OGFOD1: variants seen among roughly 807,000 people sequenced by gnomAD.
OGFOD1 encodes prolyl 3-hydroxylase OGFOD1.
A neutral mutation model predicts 67.7 loss-of-function variants in OGFOD1; 54 were observed. That is an observed-to-expected ratio of 0.80 (90% CI 0.64 to 1.00). OGFOD1 has a LOEUF of 1.00. Among genes scored for constraint, OGFOD1 ranks in the 50% least tolerant of loss-of-function variants. The pLI is 0.00. For missense variants in OGFOD1, 606 were observed against 646.7 expected (o/e 0.94, Z 0.68); for synonymous variants, 221 against 227.0 (o/e 0.97, Z 0.24).
intron 3 of OGFOD1, among the ~76,000 whole-genome samples, chr16:56,462,117 AAAG>A (rs1457033234): frequency 2.0e-5 from 3 of 151,996 alleles, no homozygotes; most frequent in Non-Finnish European, 4.4e-5. Flanking sequence ...AAAGAAAAGA[AAAG>A]AAAAACAGTT....
chr16:56,463,884 A>C (rs559820627), intron 4 of OGFOD1, among the ~76,000 whole-genome samples: 6 of 152,300 alleles, frequency 3.9e-5, no homozygotes, highest in Admixed American at 3.3e-4. Flanking sequence ...ATTCTCCTAC[A>C]TGATAATCAT....
In OGFOD1 at chr16:56,458,731, C is replaced by A; in HGVS notation, c.347+137C>A. The stretch of plus-strand genomic sequence containing the variant: ...CCACTTTGTAGAGGAGGAAAGAGAC[C>A]GAGAAATTGAGTTTGCATAGCTTAA... On this transcript the variant is annotated intron_variant, in intron 3 of 12. Transcript: ENST00000566157. 4.2e-6 allele frequency: 3 copies of A among 706,870 alleles called. No individual in the cohort carries two copies. In the South Asian group the frequency reaches 5.4e-5, roughly 13 times the overall value. 43.8% of individuals were successfully genotyped at this position (706,870 alleles called of 1,614,324 possible). A position where few individuals can be genotyped will look rare whatever the true frequency, so the allele number is the denominator to read the frequency against.
rs1962883687 is a variant in OGFOD1, at chr16:56,465,998, AGAG to A, written c.449-150_449-148del. 6 of 577,550 alleles carry A rather than the reference AGAG, an allele frequency of 1.0e-5. No homozygotes were observed. In the South Asian group the frequency reaches 1.1e-4, roughly 10 times the overall value. The allele number at this position is 577,550 out of a possible 1,614,324, so 35.8% of individuals were successfully genotyped here. On this transcript the variant is annotated intron_variant, in intron 4 of 12. Coordinates refer to ENST00000566157, the MANE Select transcript of OGFOD1 (RefSeq NM_018233.4). Reference sequence around the variant, plus strand: ...ATTGACTTATTTGTTTACTTATAAAAGAGGAGAAATAAGTGTCATTTTAAAGCT... The same window carrying A: ...ATTGACTTATTTGTTTACTTATAAAAGAGAAATAAGTGTCATTTTAAAGCT...
At chr16:56,458,616 T>C in intron 3 of OGFOD1, 22 bp downstream of exon 3, 4 of 1,596,628 alleles carry the variant, frequency 2.5e-6, no homozygotes, top group Non-Finnish European at 2.6e-6. Context: ...ATCATATTTG[T>C]TGGGTGCTAA....
intron 8 of OGFOD1, among the ~76,000 whole-genome samples, chr16:56,468,296 A>AACTACACACACAAAG (rs749830348): frequency 1.6e-4 from 25 of 152,360 alleles, no homozygotes; most frequent in Non-Finnish European, 3.1e-4. Flanking sequence ...AGTTGTGTGT[A>AACTACACACACAAAG]GTTACCTTTC....
At position 56,476,080 on chromosome 16, in the gene OGFOD1, T is replaced by C. The variant is rs771153787; in HGVS notation, c.1504T>C (p.Leu502=). ...GAATCCAGAAAGCAATTCTTTGGCA[T>C]TGGTCTACAGAGACAGAGAGACTCT... is the stretch of plus-strand genomic sequence containing the variant. The part of the protein sequence containing the change: ...TVNPESNSLA[L]VYRDRETLKF... The change falls in exon 13 of 13, where the codon TTG becomes CTG. Residue 502 remains leucine (L), a synonymous_variant. Transcript: ENST00000566157. 66 of 1,613,174 alleles carry C rather than the reference T, an allele frequency of 4.1e-5. No homozygotes were observed. The South Asian group carries it at 6.9e-4, about 17-fold the overall frequency.
At chr16:56,453,475 A>G (rs1962411426) in intron 2 of OGFOD1, 67 bp downstream of exon 2, 1 of 1,503,760 alleles carries the variant, frequency 6.6e-7, no homozygotes, top group Non-Finnish European at 9.0e-7. Flanking sequence ...GTCATTGAAT[A>G]CCTTTAGACT....
intron 3 of OGFOD1, among the ~76,000 whole-genome samples, chr16:56,461,195 CCT>C (rs1373984102): frequency 1.3e-5 from 2 of 152,332 alleles, no homozygotes; most frequent in African/African-American, 4.8e-5. Context: ...CTGGCACAGA[CCT>C]CTCTGACCTC....
intron 2 of OGFOD1, 141 bp from the exon 3 acceptor site, chr16:56,458,407 T>G (rs1172420818): frequency 1.4e-6 from 1 of 726,640 alleles, no homozygotes. Context: ...GGAGGGGCCC[T>G]GTGTTAAACC....
intron 10 of OGFOD1, among the ~76,000 whole-genome samples, chr16:56,471,263 G>A (rs750421494): frequency 4.6e-5 from 7 of 151,874 alleles, no homozygotes; most frequent in Admixed American, 2.0e-4. Context: ...TCAGGAGGCT[G>A]AGGTGGAAGA....
rs775920369 is a variant in OGFOD1, at chr16:56,451,692, C to T, written c.80C>T (p.Ser27Leu). ...KGKKEVMAEFSDAVTEETLKK... is the reference protein window; with the variant it reads ...KGKKEVMAEFLDAVTEETLKK... ...AAGAAGGAGGTGATGGCGGAGTTTT[C>T]GGACGCTGTTACGGAAGAAACCTTG... The change falls in exon 1 of 13, where the codon TCG becomes TTG. Residue 27 changes from serine (S) to leucine (L), a missense_variant. Ser to Leu is a moderately radical substitution (Grantham distance 145). Coordinates refer to ENST00000566157, the MANE Select transcript of OGFOD1 (RefSeq NM_018233.4). The T allele has an allele frequency of 8.1e-6, 13 of 1,614,074 alleles. No homozygotes were observed. The South Asian group carries it at 1.2e-4, about 15-fold the overall frequency.
intron 9 of OGFOD1, 43 bp from the exon 10 acceptor site, chr16:56,470,444 C>T: frequency 1.3e-6 from 2 of 1,526,074 alleles, no homozygotes; most frequent in Non-Finnish European, 1.8e-6. Context: ...AGTCATTTTA[C>T]ATCTGTGGCT....
At chr16:56,451,548 G>A (rs1417011315), upstream of OGFOD1, 5 of 1,556,012 alleles carry the variant, frequency 3.2e-6, no homozygotes, top group Non-Finnish European at 2.6e-6. Flanking sequence ...CATGCCGGGA[G>A]TTGCAGTACC....
intron 6 of OGFOD1, 69 bp downstream of exon 6, chr16:56,467,036 A>T: frequency 1.3e-6 from 2 of 1,539,568 alleles, no homozygotes; most frequent in Admixed American, 1.7e-5. Context: ...TCCAAACATG[A>T]CAGCTTCCTG....
intron 2 of OGFOD1, among the ~76,000 whole-genome samples, chr16:56,457,740 G>A (rs1962570539): frequency 6.6e-6 from 1 of 151,874 alleles, no homozygotes; most frequent in African/African-American, 2.4e-5. Flanking sequence ...GAGTGCAATG[G>A]CGAGATCTCA....
chr16:56,470,178 G>A, intron 9 of OGFOD1, 96 bp downstream of exon 9: 2 of 1,073,520 alleles, frequency 1.9e-6, no homozygotes, highest in Non-Finnish European at 2.8e-6. Context: ...AGGAAAAATA[G>A]ACTGAGGTGA....
At chr16:56,467,348 C>A in intron 7 of OGFOD1, 55 bp downstream of exon 7, 1 of 1,587,576 alleles carries the variant, frequency 6.3e-7, no homozygotes, top group Non-Finnish European at 8.6e-7. Flanking sequence ...TCATTTGTTT[C>A]TCTGATTTTA....
intron 3 of OGFOD1, 35 bp downstream of exon 3, chr16:56,458,629 T>C (rs1962608723): frequency 2.6e-6 from 4 of 1,548,404 alleles, no homozygotes; most frequent in East Asian, 2.2e-5. Flanking sequence ...GGTGCTAATA[T>C]GTGCCAGGCA....
intron 4 of OGFOD1, among the ~76,000 whole-genome samples, chr16:56,464,620 A>G (rs1479469987): frequency 1.3e-5 from 2 of 152,130 alleles, no homozygotes; most frequent in African/African-American, 4.8e-5. Flanking sequence ...AGCTGTTACC[A>G]GTTACTATCA....
Sources: allele counts gnomAD v4.1 joint callset (sites outside exome capture counted in the v4.1 genomes callset), GRCh38; gene constraint gnomAD v4.1.1; transcripts MANE v1.5; gene names NCBI Gene and HGNC (gene_info 2026-07-23, HGNC 2026-07-21).